Variants in SLC12A6 observed in about 807,000 individuals in gnomAD.
SLC12A6 encodes solute carrier family 12 member 6, also known as K-Cl cotransporter 3.
A neutral mutation model predicts 135.3 loss-of-function variants in SLC12A6; 66 were observed. That is an observed-to-expected ratio of 0.49 (90% CI 0.40 to 0.60). The LOEUF is 0.60. Among genes scored for constraint, SLC12A6 ranks in the 20% least tolerant of loss-of-function variants. SLC12A6 has a pLI of 0.00. For missense variants in SLC12A6, 1,058 were observed against 1,452.3 expected (o/e 0.73, Z 4.41); for synonymous variants, 513 against 508.8 (o/e 1.01, Z -0.11).
chr15:34,290,349 G>C (rs182300530), intron 2 of SLC12A6, among the ~76,000 whole-genome samples: 95 of 152,320 alleles, frequency 6.2e-4, no homozygotes, highest in African/African-American at 2.1e-3. Context: ...GAGACAGTTT[G>C]TTGTGATTTC....
chr15:34,331,135 G>T (rs1889817707), intron 2 of SLC12A6, among the ~76,000 whole-genome samples: 1 of 152,176 alleles, frequency 6.6e-6, no homozygotes, highest in Non-Finnish European at 1.5e-5. Context: ...GACTAAAAAT[G>T]ATAATTTTGT....
chr15:34,333,389 C>T (rs1889991232), intron 2 of SLC12A6, among the ~76,000 whole-genome samples: 1 of 152,052 alleles, frequency 6.6e-6, no homozygotes, highest in African/African-American at 2.4e-5. Flanking sequence ...GCCGTCACGC[C>T]TGGCTAATTT....
chr15:34,307,876 A>G (rs1887842703), intron 2 of SLC12A6, among the ~76,000 whole-genome samples: 1 of 152,214 alleles, frequency 6.6e-6, no homozygotes, highest in South Asian at 2.1e-4. Context: ...AACCATCAGA[A>G]TCTTCTGTCA....
At chr15:34,255,493 A>C in intron 7 of SLC12A6, 101 bp from the exon 8 acceptor site, 1 of 860,404 alleles carries the variant, frequency 1.2e-6, no homozygotes, top group East Asian at 2.7e-5. Context: ...TAAAGGTTAA[A>C]TGTTTCAGGC....
chr15:34,265,894 AAGAC>A (rs1595462194), intron 3 of SLC12A6, among the ~76,000 whole-genome samples: 2 of 152,192 alleles, frequency 1.3e-5, no homozygotes, highest in Non-Finnish European at 2.9e-5. Flanking sequence ...CATATTTAGA[AAGAC>A]AGAAAGGAGC....
At chr15:34,262,079 A>G (rs1441913653) in intron 3 of SLC12A6, among the ~76,000 whole-genome samples, 1 of 152,154 alleles carries the variant, frequency 6.6e-6, no homozygotes, top group East Asian at 1.9e-4. Context: ...TTGAAACCCA[A>G]CCTTCAAGCC....
At chr15:34,330,030 T>C (rs112683732) in intron 2 of SLC12A6, among the ~76,000 whole-genome samples, 7 of 152,332 alleles carry the variant, frequency 4.6e-5, no homozygotes, top group African/African-American at 1.4e-4. Flanking sequence ...CACAATGTCA[T>C]AAACATCTAT....
intron 2 of SLC12A6, among the ~76,000 whole-genome samples, chr15:34,329,186 C>T (rs1474044726): frequency 6.6e-6 from 1 of 152,182 alleles, no homozygotes; most frequent in East Asian, 1.9e-4. Context: ...GGCATTAAGC[C>T]AGAAGGGCAA....
chr15:34,271,672 C>A (rs1893962909), intron 3 of SLC12A6, among the ~76,000 whole-genome samples: 1 of 151,646 alleles, frequency 6.6e-6, no homozygotes, highest in Non-Finnish European at 1.5e-5. Context: ...ATTATTACAA[C>A]AGCAGTTTCA....
chr15:34,320,311 G>T (rs1324033589), intron 2 of SLC12A6, among the ~76,000 whole-genome samples: 1 of 152,164 alleles, frequency 6.6e-6, no homozygotes, highest in Non-Finnish European at 1.5e-5. Context: ...ATACGATTCA[G>T]CCATAAAAAT....
Position 34,257,654 on chromosome 15 carries a change from G to C in SLC12A6, c.678C>G (p.Ile226Met). ...GVLQAFAIVL[I>M]CCCCTMLTAI... ...GTGCAGTACTTACACAGCAGCAGCA[G>C]ATAAGGACAATTGCAAAAGCCTGAA... The change falls in exon 6 of 26, where the codon ATC becomes ATG. Residue 226 changes from isoleucine to methionine, a missense_variant. Physicochemically the swap from Ile to Met is conservative, Grantham distance 10 (BLOSUM62 1). Transcript: ENST00000354181. 1 of 1,613,632 alleles carries C rather than the reference G, an allele frequency of 6.2e-7. No individual in the cohort carries two copies. The highest frequency in any genetic ancestry group is 8.5e-7 in the Non-Finnish European group (1 of 1,179,588).
At position 34,287,752 on chromosome 15, in the gene SLC12A6, GTC is replaced by G. The variant is rs541290535; in HGVS notation, c.272-12365_272-12364del. Among the ~76,000 whole-genome samples, 36 of 152,294 alleles carry G rather than the reference GTC, an allele frequency of 2.4e-4. 2 individuals carry two copies. In the East Asian group the frequency reaches 6.7e-3, roughly 29 times the overall value. ...AGTGATGATGAGCATTTTTTCATAT[GTC>G]TGTTGGCTGCATAAATGTCTTCTTT... On this transcript the variant is annotated intron_variant, in intron 2 of 25. Coordinates refer to ENST00000354181, the MANE Select transcript of SLC12A6 (RefSeq NM_001365088.1).
At chr15:34,236,644 G>T in intron 23 of SLC12A6, 64 bp downstream of exon 23, 2 of 1,012,410 alleles carry the variant, frequency 2.0e-6, no homozygotes, top group Non-Finnish European at 3.2e-6. Context: ...GCCCAGCCCA[G>T]TATCATCCCT....
intron 2 of SLC12A6, among the ~76,000 whole-genome samples, chr15:34,322,851 G>A (rs1314116653): frequency 6.6e-6 from 1 of 151,560 alleles, no homozygotes. Context: ...GATGGTGAGC[G>A]CCTGTAACCC....
At chr15:34,323,491 C>G (rs988057913) in intron 2 of SLC12A6, among the ~76,000 whole-genome samples, 2 of 152,144 alleles carry the variant, frequency 1.3e-5, no homozygotes, top group Non-Finnish European at 2.9e-5. Context: ...ACAGCAATTC[C>G]GAGGGATCTA....
chr15:34,333,011 ATTTAT>A (rs914273784), intron 2 of SLC12A6, among the ~76,000 whole-genome samples: 2 of 151,942 alleles, frequency 1.3e-5, no homozygotes, highest in Admixed American at 1.3e-4. Context: ...TAGTTTCCTC[ATTTAT>A]TTTGTTATTT....
At chr15:34,319,743 G>A (rs1480313598) in intron 2 of SLC12A6, among the ~76,000 whole-genome samples, 1 of 151,598 alleles carries the variant, frequency 6.6e-6, no homozygotes, top group African/African-American at 2.4e-5. Flanking sequence ...AGATTGCAGT[G>A]AGCAGAGATT....
At chr15:34,235,140 G>A in intron 25 of SLC12A6, 41 bp downstream of exon 25, 1 of 1,581,048 alleles carries the variant, frequency 6.3e-7, no homozygotes. Flanking sequence ...AGAGGTTAAG[G>A]AGATTTTCCC....
At chr15:34,243,316 A>C (rs1891776864) in intron 16 of SLC12A6, among the ~76,000 whole-genome samples, 1 of 152,232 alleles carries the variant, frequency 6.6e-6, no homozygotes, top group Non-Finnish European at 1.5e-5. Flanking sequence ...AAGTGAAGAC[A>C]GAAAGGGAAC....
Sources: allele counts gnomAD v4.1 joint callset (sites outside exome capture counted in the v4.1 genomes callset), GRCh38; gene constraint gnomAD v4.1.1; transcripts MANE v1.5; gene names NCBI Gene and HGNC (gene_info 2026-07-23, HGNC 2026-07-21).